Variants in CACNA2D3 observed in about 807,000 individuals in gnomAD.
CACNA2D3 encodes the protein voltage-dependent calcium channel subunit alpha-2/delta-3.
CACNA2D3 carries 60 observed loss-of-function variants against 160.6 expected under a neutral mutation model. The observed-to-expected ratio is 0.37, with a 90% CI of 0.30 to 0.46. CACNA2D3 has a LOEUF of 0.46. Ranked by LOEUF, CACNA2D3 falls within the 20% of genes least tolerant of loss-of-function variation. The pLI, the probability that CACNA2D3 is intolerant of heterozygous loss-of-function variation, is 1.00. For missense variants in CACNA2D3, 1,205 were observed against 1,365.0 expected (o/e 0.88, Z 1.85); for synonymous variants, 558 against 492.9 (o/e 1.13, Z -1.75).
At chr3:54,274,594 G>T (rs1292466239) in intron 2 of CACNA2D3, among the ~76,000 whole-genome samples, 1 of 152,228 alleles carries the variant, frequency 6.6e-6, no homozygotes, top group Non-Finnish European at 1.5e-5. Context: ...CAAAATAGTG[G>T]CTTAAAACAG....
intron 2 of CACNA2D3, among the ~76,000 whole-genome samples, chr3:54,302,976 C>T (rs1703513795): frequency 6.6e-6 from 1 of 152,026 alleles, no homozygotes; most frequent in Non-Finnish European, 1.5e-5. Context: ...ATTTTCCATG[C>T]CTGGGAGTCT....
chr3:54,401,133 G>C (rs1699455251), intron 4 of CACNA2D3, among the ~76,000 whole-genome samples: 1 of 151,836 alleles, frequency 6.6e-6, no homozygotes. Context: ...CATCAGACTA[G>C]ATCAAGCAGA....
intron 11 of CACNA2D3, among the ~76,000 whole-genome samples, chr3:54,711,267 A>T (rs1700947261): frequency 6.6e-6 from 1 of 152,222 alleles, no homozygotes; most frequent in Non-Finnish European, 1.5e-5. Context: ...TTACTAAATG[A>T]CATAAAGTGA....
At chr3:54,715,317 A>G (rs1281962741) in intron 11 of CACNA2D3, among the ~76,000 whole-genome samples, 2 of 152,174 alleles carry the variant, frequency 1.3e-5, no homozygotes, top group African/African-American at 4.8e-5. Context: ...GCACAGGGCA[A>G]GGTATGGGAG....
chr3:54,711,782 C>G (rs1454438853), intron 11 of CACNA2D3, among the ~76,000 whole-genome samples: 1 of 152,246 alleles, frequency 6.6e-6, no homozygotes, highest in Admixed American at 6.5e-5. Context: ...TGCCCTTCCT[C>G]ATCTGCTGCT....
intron 5 of CACNA2D3, among the ~76,000 whole-genome samples, chr3:54,512,509 A>G (rs1436018342): frequency 2.0e-5 from 3 of 152,240 alleles, no homozygotes; most frequent in African/African-American, 7.2e-5. Context: ...ATCCTGAGCC[A>G]GGTAGCCTTC....
intron 9 of CACNA2D3, among the ~76,000 whole-genome samples, chr3:54,588,719 A>C (rs1702807398): frequency 6.6e-6 from 1 of 152,062 alleles, no homozygotes; most frequent in Admixed American, 6.5e-5. Flanking sequence ...GTTCCAAAGA[A>C]ATAAGCCTAA....
chr3:54,770,254 A>G (rs1005098804), intron 13 of CACNA2D3, among the ~76,000 whole-genome samples: 1 of 152,198 alleles, frequency 6.6e-6, no homozygotes, highest in African/African-American at 2.4e-5. Context: ...AAATATAGTA[A>G]TTCTCAATGG....
chr3:54,720,186 T>C (rs1289560107), intron 11 of CACNA2D3, among the ~76,000 whole-genome samples: 1 of 151,962 alleles, frequency 6.6e-6, no homozygotes, highest in Non-Finnish European at 1.5e-5. Context: ...AATTTGACCT[T>C]TTTTTAGCTT....
At chr3:54,574,516 T>C (rs1323577505) in intron 8 of CACNA2D3, among the ~76,000 whole-genome samples, 1 of 152,184 alleles carries the variant, frequency 6.6e-6, no homozygotes, top group Non-Finnish European at 1.5e-5. Context: ...CTATCTAAAA[T>C]GGACAAACTA....
At chr3:54,558,526 G>A (rs1702274567) in intron 5 of CACNA2D3, among the ~76,000 whole-genome samples, 1 of 152,104 alleles carries the variant, frequency 6.6e-6, no homozygotes. Context: ...CAGGTAATAA[G>A]CATAGTACCC....
rs1469864493 is a variant in CACNA2D3, at chr3:54,817,791, A to G, written c.1398+921A>G. ...CAACCAGAGGCCTAGAAATCATTAC[A>G]CAATTACTCAGATATATTTGAGGTA... On this transcript the variant is annotated intron_variant, in intron 14 of 37. Transcript: ENST00000474759. Among the ~76,000 whole-genome samples, 3 of 152,344 alleles carry G rather than the reference A, an allele frequency of 2.0e-5. No individual in the cohort carries two copies. In the East Asian group the frequency reaches 5.8e-4, roughly 29 times the overall value.
intron 2 of CACNA2D3, among the ~76,000 whole-genome samples, chr3:54,298,990 A>G (rs979449691): frequency 2.0e-5 from 3 of 149,830 alleles, no homozygotes; most frequent in African/African-American, 7.3e-5. Context: ...GAAAGAGGAA[A>G]GAGTATGGAT....
chr3:54,641,333 T>A (rs547925803), intron 10 of CACNA2D3, among the ~76,000 whole-genome samples: 8 of 152,334 alleles, frequency 5.3e-5, no homozygotes, highest in Non-Finnish European at 4.4e-5. Context: ...TGGCAGTTGG[T>A]TGAAAGAATT....
At chr3:54,157,628 A>G (rs1399534878) in intron 2 of CACNA2D3, among the ~76,000 whole-genome samples, 1 of 151,970 alleles carries the variant, frequency 6.6e-6, no homozygotes, top group Admixed American at 6.6e-5. Flanking sequence ...TGTCTCTACT[A>G]AAAAAATACA....
In CACNA2D3 at chr3:54,928,005, G is replaced by A. The variant is rs181431638; in HGVS notation, c.2449+28137G>A. On this transcript the variant is annotated intron_variant, in intron 27 of 37. Coordinates refer to ENST00000474759, the MANE Select transcript of CACNA2D3 (RefSeq NM_018398.3). ...AAGGGCATGGCAGACTCAGAGCCCA[G>A]CTTTACATTCAGTCTTTCTGAACCC... 1.0e-5 allele frequency: 12 copies of A among 1,165,774 alleles called. No individual in the cohort carries two copies. In the East Asian group the frequency reaches 2.4e-4, roughly 23 times the overall value. 72.2% of individuals were successfully genotyped at this position (1,165,774 alleles called of 1,614,324 possible).
At position 54,626,700 on chromosome 3, in the gene CACNA2D3, AAAAAAAAAAG is replaced by A. The variant is rs1479277434; in HGVS notation, c.964-1083_964-1074del. 1.2e-5 allele frequency: 9 copies of A among 740,884 alleles called. No individual in the cohort carries two copies. In the African/African-American group the frequency reaches 1.3e-4, roughly 11 times the overall value. 45.9% of individuals were successfully genotyped at this position (740,884 alleles called of 1,614,324 possible). On this transcript the variant is annotated intron_variant, in intron 9 of 37. Coordinates refer to ENST00000474759, the MANE Select transcript of CACNA2D3 (RefSeq NM_018398.3). ...GGTTCCAGTCAAAAAAAAAAAAAAA[AAAAAAAAAAG>A]AAAGAAAAAGAAAGGGGTTCGGAAT...
intron 13 of CACNA2D3, among the ~76,000 whole-genome samples, chr3:54,812,085 G>T (rs1167943350): frequency 6.6e-6 from 1 of 152,122 alleles, no homozygotes; most frequent in Non-Finnish European, 1.5e-5. Flanking sequence ...AACCTCATAG[G>T]CCAGAATGAC....
At chr3:54,915,837 G>A (rs373235381) in intron 27 of CACNA2D3, among the ~76,000 whole-genome samples, 2 of 152,190 alleles carry the variant, frequency 1.3e-5, no homozygotes, top group Non-Finnish European at 2.9e-5. Flanking sequence ...ATATAAGTAT[G>A]CATCATTTTA....
Sources: allele counts gnomAD v4.1 joint callset (sites outside exome capture counted in the v4.1 genomes callset), GRCh38; gene constraint gnomAD v4.1.1; transcripts MANE v1.5; gene names NCBI Gene and HGNC (gene_info 2026-07-23, HGNC 2026-07-21).